Variants in ARB2A observed in about 807,000 individuals in gnomAD.
ARB2A encodes cotranscriptional regulator ARB2A.
chr5:93,916,117 C>T, the ARB2A span, among the ~76,000 whole-genome samples: 1 of 151,948 alleles, frequency 6.6e-6, no homozygotes, highest in Non-Finnish European at 1.5e-5. Flanking sequence ...TGACATATAT[C>T]ATTAAAAATA....
chr5:93,964,026 T>C, the ARB2A span, among the ~76,000 whole-genome samples: 3 of 151,988 alleles, frequency 2.0e-5, no homozygotes, highest in Non-Finnish European at 4.4e-5. Context: ...TGGGAATGTA[T>C]AGAGGAAACA....
At chr5:94,108,262 T>A in the ARB2A span, among the ~76,000 whole-genome samples, 11 of 152,174 alleles carry the variant, frequency 7.2e-5, no homozygotes, top group Non-Finnish European at 4.4e-5. Flanking sequence ...ACTCCTTTTC[T>A]TCTAATTAAA....
the ARB2A span, among the ~76,000 whole-genome samples, chr5:93,693,883 C>G: frequency 1.3e-5 from 2 of 151,902 alleles, no homozygotes; most frequent in Non-Finnish European, 2.9e-5. Context: ...AAGGCTGGTT[C>G]AATAGACGCA....
At chr5:94,009,405 A>G in the ARB2A span, among the ~76,000 whole-genome samples, 2 of 152,172 alleles carry the variant, frequency 1.3e-5, no homozygotes, top group African/African-American at 4.8e-5. Flanking sequence ...GTTCCCCAGT[A>G]TAAGAAGTCT....
the ARB2A span, chr5:94,053,346 C>G: frequency 3.6e-6 from 2 of 557,364 alleles, no homozygotes; most frequent in East Asian, 3.2e-5. Flanking sequence ...GTTGCTTTAA[C>G]TGATAATGCT....
chr5:93,873,733 G>A, the ARB2A span, among the ~76,000 whole-genome samples: 2 of 152,090 alleles, frequency 1.3e-5, no homozygotes, highest in African/African-American at 4.8e-5. Context: ...TTGTCAGGTG[G>A]GAGCCACTCC....
the ARB2A span, among the ~76,000 whole-genome samples, chr5:93,967,223 T>C: frequency 6.6e-6 from 1 of 152,096 alleles, no homozygotes; most frequent in Admixed American, 6.6e-5. Flanking sequence ...GCTGTGTTTA[T>C]AGATGGAAAA....
chr5:93,834,272 G>T, the ARB2A span, among the ~76,000 whole-genome samples: 2 of 152,164 alleles, frequency 1.3e-5, no homozygotes, highest in African/African-American at 4.8e-5. Context: ...GAGACCATAA[G>T]TATTGTTATG....
chr5:93,979,721 C>A, the ARB2A span, among the ~76,000 whole-genome samples: 2 of 151,958 alleles, frequency 1.3e-5, no homozygotes, highest in African/African-American at 4.8e-5. Context: ...GTTACTGAAT[C>A]ATTTTATCCC....
the ARB2A span, chr5:93,964,449 T>C: frequency 1.6e-4 from 242 of 1,521,914 alleles, no homozygotes; most frequent in Non-Finnish European, 2.1e-4. Context: ...TCTTTAAAAT[T>C]TGACTTACTG....
chr5:93,964,909 C>T, the ARB2A span, among the ~76,000 whole-genome samples: 6 of 152,012 alleles, frequency 3.9e-5, no homozygotes, highest in South Asian at 1.2e-3. Flanking sequence ...ATCTCAACAC[C>T]TCTTTTGTGT....
chr5:93,797,906 T>C, the ARB2A span, among the ~76,000 whole-genome samples: 14 of 152,098 alleles, frequency 9.2e-5, no homozygotes, highest in African/African-American at 2.4e-4. Flanking sequence ...CTTTTAGGCA[T>C]ATATGTATGA....
At chr5:94,003,211 T>C in the ARB2A span, among the ~76,000 whole-genome samples, 1 of 152,188 alleles carries the variant, frequency 6.6e-6, no homozygotes, top group Non-Finnish European at 1.5e-5. Flanking sequence ...CATTAGTCAA[T>C]TTGATAGAGT....
the ARB2A span, among the ~76,000 whole-genome samples, chr5:93,868,027 T>C: frequency 6.6e-6 from 1 of 152,142 alleles, no homozygotes; most frequent in East Asian, 1.9e-4. Flanking sequence ...GTAATTCAAA[T>C]ACAACTGAGA....
chr5:93,932,630 C>A, the ARB2A span, among the ~76,000 whole-genome samples: 1 of 152,092 alleles, frequency 6.6e-6, no homozygotes. Flanking sequence ...ACAAGCAAAT[C>A]GTGTTTTCCA....
At chr5:93,663,565 T>G in the ARB2A span, among the ~76,000 whole-genome samples, 1 of 152,094 alleles carries the variant, frequency 6.6e-6, no homozygotes. Context: ...ACATGGAATA[T>G]AAAAAAAGGC....
chr5:93,760,788 C>G, the ARB2A span, among the ~76,000 whole-genome samples: 1 of 152,164 alleles, frequency 6.6e-6, no homozygotes. Context: ...AGACCTGATA[C>G]TATAAAAATT....
chr5:93,886,775 C>CCG, the ARB2A span, among the ~76,000 whole-genome samples: 2 of 151,670 alleles, frequency 1.3e-5, no homozygotes, highest in Non-Finnish European at 2.9e-5. Flanking sequence ...TGTCACTTGA[C>CCG]TCCGTTTTGT....
At chr5:93,640,633 T>TATATATATATATACATATAC in the ARB2A span, among the ~76,000 whole-genome samples, 6 of 140,176 alleles carry the variant, frequency 4.3e-5, no homozygotes, top group Non-Finnish European at 8.8e-5. Context: ...CATATGTGTG[T>TATATATATATATACATATAC]GTATATATAT....
Sources: allele counts gnomAD v4.1 joint callset (sites outside exome capture counted in the v4.1 genomes callset), GRCh38; gene constraint gnomAD v4.1.1; transcripts MANE v1.5; gene names NCBI Gene and HGNC (gene_info 2026-07-23, HGNC 2026-07-21).